The following RBFOX1 variants were observed in gnomAD, a reference collection of about 807,000 sequenced individuals.
The protein encoded by RBFOX1 is RNA binding fox-1 homolog 1, also known as RNA binding protein fox-1 homolog 1.
A neutral mutation model predicts 57.7 loss-of-function variants in RBFOX1; 8 were observed. The observed-to-expected ratio is 0.14, with a 90% CI of 0.08 to 0.25. RBFOX1 has a LOEUF of 0.25. Among genes scored for constraint, RBFOX1 ranks in the 10% least tolerant of loss-of-function variants. The pLI is 1.00. For missense variants in RBFOX1, 611 were observed against 548.5 expected (o/e 1.11, Z -1.14); for synonymous variants, 326 against 222.4 (o/e 1.47, Z -4.15).
In RBFOX1 at chr16:7,161,133, C is replaced by G. The variant is rs187588643; in HGVS notation, c.27+109035C>G. On this transcript the variant is annotated intron_variant, in intron 4 of 15. Transcript: ENST00000550418. ...ACATCAAGACCAACCTCTGGGATTA[C>G]AAAATAATTTTATACCACTTTCTAT... 8.7e-4 allele frequency among the ~76,000 whole-genome samples: 133 copies of G among 152,184 alleles called. 1 individual carries two copies. The highest frequency in any genetic ancestry group is 3.2e-3 in the African/African-American group (132 of 41,530).
At chr16:5,735,231 G>C (rs1302297905) in intron 3 of RBFOX1, among the ~76,000 whole-genome samples, 2 of 152,164 alleles carry the variant, frequency 1.3e-5, no homozygotes, top group African/African-American at 4.8e-5. Context: ...GAAGGGGTCA[G>C]GACCCTCCAT....
chr16:6,985,644 G>A (rs746203201), intron 3 of RBFOX1, among the ~76,000 whole-genome samples: 11 of 151,906 alleles, frequency 7.2e-5, no homozygotes, highest in East Asian at 1.9e-4. Flanking sequence ...TCTGACCAGC[G>A]TGGCAAAACC....
intron 14 of RBFOX1, among the ~76,000 whole-genome samples, chr16:7,689,924 G>C (rs1364285601): frequency 6.6e-6 from 1 of 152,082 alleles, no homozygotes; most frequent in East Asian, 1.9e-4. Context: ...TATCAGGTTT[G>C]TGTGGTTGCA....
chr16:6,197,152 A>G (rs1309372779), intron 1 of RBFOX1, among the ~76,000 whole-genome samples: 1 of 152,156 alleles, frequency 6.6e-6, no homozygotes, highest in East Asian at 1.9e-4. Context: ...CATGCATGTC[A>G]CCAGAGGCTG....
At chr16:5,637,334 C>G (rs753325878) in intron 3 of RBFOX1, among the ~76,000 whole-genome samples, 1 of 152,148 alleles carries the variant, frequency 6.6e-6, no homozygotes, top group South Asian at 2.1e-4. Context: ...TAAGTCATGT[C>G]TTAGTAGATA....
chr16:7,069,705 A>C (rs2056923129), intron 4 of RBFOX1, among the ~76,000 whole-genome samples: 1 of 152,140 alleles, frequency 6.6e-6, no homozygotes, highest in Non-Finnish European at 1.5e-5. Context: ...CGCTAGAGTA[A>C]GTGGGGCAGC....
At chr16:6,895,622 G>T (rs1403372538) in intron 3 of RBFOX1, among the ~76,000 whole-genome samples, 1 of 151,612 alleles carries the variant, frequency 6.6e-6, no homozygotes, top group East Asian at 1.9e-4. Flanking sequence ...AGAAAAAAAT[G>T]GAGAGTCATA....
chr16:5,737,265 C>T (rs1597038165), intron 3 of RBFOX1, among the ~76,000 whole-genome samples: 2 of 152,166 alleles, frequency 1.3e-5, no homozygotes, highest in South Asian at 2.1e-4. Context: ...AGGTGAATCA[C>T]TTGAGGTTAG....
At chr16:7,198,844 TGAAACCATAGCACACTATCA>T (rs1167253028) in intron 4 of RBFOX1, among the ~76,000 whole-genome samples, 5 of 152,206 alleles carry the variant, frequency 3.3e-5, no homozygotes, top group Non-Finnish European at 7.3e-5. Context: ...GGGGACACAT[TGAAACCATAGCACACTATCA>T]GAGGCAAAAT....
chr16:5,899,144 C>G (rs1187018921), intron 4 of RBFOX1, among the ~76,000 whole-genome samples: 2 of 100,080 alleles, frequency 2.0e-5, no homozygotes, highest in Admixed American at 2.3e-4. Context: ...GACCCTGTCT[C>G]AAAAAAAAAA....
chr16:6,343,096 A>T (rs2084818832), intron 2 of RBFOX1, among the ~76,000 whole-genome samples: 1 of 152,212 alleles, frequency 6.6e-6, no homozygotes, highest in East Asian at 1.9e-4. Context: ...AAGTGGGCAG[A>T]TGGAAAAATG....
intron 2 of RBFOX1, among the ~76,000 whole-genome samples, chr16:6,498,220 C>T (rs988816592): frequency 3.7e-5 from 5 of 136,494 alleles, no homozygotes; most frequent in Non-Finnish European, 7.6e-5. Flanking sequence ...CCACTGCGCT[C>T]AAGCCTGGGT....
chr16:7,178,211 C>G (rs1567585588), intron 4 of RBFOX1, among the ~76,000 whole-genome samples: 1 of 152,246 alleles, frequency 6.6e-6, no homozygotes, highest in Non-Finnish European at 1.5e-5. Flanking sequence ...GGGAAACTTT[C>G]CTCCACACAG....
intron 3 of RBFOX1, among the ~76,000 whole-genome samples, chr16:6,877,602 C>A (rs527653945): frequency 6.6e-6 from 1 of 152,144 alleles, no homozygotes; most frequent in Non-Finnish European, 1.5e-5. Flanking sequence ...ATAACCGTGT[C>A]TTTGCATTTG....
chr16:7,509,441 T>TGTCTGC (rs2074396566), intron 4 of RBFOX1, among the ~76,000 whole-genome samples: 2 of 151,950 alleles, frequency 1.3e-5, no homozygotes, highest in African/African-American at 4.8e-5. Context: ...TCTGTGTCTG[T>TGTCTGC]GTCTGTGTGT....
At chr16:7,203,360 G>A (rs1035432685) in intron 4 of RBFOX1, among the ~76,000 whole-genome samples, 5 of 152,192 alleles carry the variant, frequency 3.3e-5, no homozygotes, top group Non-Finnish European at 7.3e-5. Context: ...AAGGAGAATG[G>A]TGGTGGCTGG....
intron 2 of RBFOX1, among the ~76,000 whole-genome samples, chr16:5,518,931 T>C (rs2043904652): frequency 6.6e-6 from 1 of 152,134 alleles, no homozygotes; most frequent in Non-Finnish European, 1.5e-5. Context: ...TGTGACTGTA[T>C]TTGGAGATAA....
At chr16:6,167,187 A>G (rs1328599993) in intron 1 of RBFOX1, among the ~76,000 whole-genome samples, 1 of 152,264 alleles carries the variant, frequency 6.6e-6, no homozygotes, top group African/African-American at 2.4e-5. Context: ...GAAGAGCCGA[A>G]ACACGCATGC....
At chr16:6,969,059 G>A (rs143679550) in intron 3 of RBFOX1, among the ~76,000 whole-genome samples, 5 of 152,020 alleles carry the variant, frequency 3.3e-5, no homozygotes, top group South Asian at 2.1e-4. Flanking sequence ...GTTCCCATCC[G>A]AGAGGTGTCA....
Sources: allele counts gnomAD v4.1 joint callset (sites outside exome capture counted in the v4.1 genomes callset), GRCh38; gene constraint gnomAD v4.1.1; transcripts MANE v1.5; gene names NCBI Gene and HGNC (gene_info 2026-07-23, HGNC 2026-07-21).